NR6A1: variants seen among roughly 807,000 people sequenced by gnomAD.
The protein encoded by NR6A1 is nuclear receptor subfamily 6 group A member 1.
In NR6A1, 7 loss-of-function variants were observed where a neutral mutation model predicts 59.1. That is an observed-to-expected ratio of 0.12 (90% CI 0.07 to 0.22). The LOEUF (loss-of-function observed/expected upper bound fraction) is 0.22. Among genes scored for constraint, NR6A1 ranks in the 10% least tolerant of loss-of-function variants. The probability of loss-of-function intolerance (pLI) is 1.00; values close to 1 mark genes in which losing one functional copy is unlikely to be tolerated. For synonymous variants in NR6A1, 243 were observed against 236.1 expected (o/e 1.03, Z -0.27); for missense variants, 468 against 611.6 (o/e 0.77, Z 2.48).
intron 2 of NR6A1, among the ~76,000 whole-genome samples, chr9:124,627,513 A>C (rs753801124): frequency 2.2e-4 from 33 of 152,342 alleles, no homozygotes; most frequent in Non-Finnish European, 3.8e-4. Context: ...AAAGTAAGCA[A>C]CTTGATTCTA....
intron 2 of NR6A1, among the ~76,000 whole-genome samples, chr9:124,588,453 G>A (rs1385634783): frequency 2.6e-5 from 4 of 151,502 alleles, no homozygotes; most frequent in Admixed American, 6.6e-5. Flanking sequence ...GACTACAGGC[G>A]CCCGCCACCA....
chr9:124,545,701 C>T (rs561236919), intron 3 of NR6A1, among the ~76,000 whole-genome samples: 15 of 152,230 alleles, frequency 9.9e-5, no homozygotes, highest in African/African-American at 2.9e-4. Context: ...ATTAATAGTT[C>T]GGCTGTTACC....
intron 8 of NR6A1, among the ~76,000 whole-genome samples, chr9:124,525,645 C>T (rs972584712): frequency 2.0e-5 from 3 of 151,998 alleles, no homozygotes; most frequent in Non-Finnish European, 4.4e-5. Context: ...GCATGAGCCA[C>T]TGTGCCTGGC....
intron 1 of NR6A1, among the ~76,000 whole-genome samples, chr9:124,739,213 C>T (rs946691788): frequency 9.9e-5 from 15 of 150,978 alleles, no homozygotes; most frequent in African/African-American, 3.2e-4. Context: ...ATGGGGGCGG[C>T]GAGGGTATGG....
chr9:124,629,502 C>G (rs1465558654), intron 2 of NR6A1, among the ~76,000 whole-genome samples: 2 of 152,186 alleles, frequency 1.3e-5, no homozygotes, highest in African/African-American at 4.8e-5. Context: ...TCCATTTTAC[C>G]AGTGAAGAAA....
chr9:124,700,067 C>T (rs1033417158), intron 2 of NR6A1, among the ~76,000 whole-genome samples: 2 of 152,108 alleles, frequency 1.3e-5, no homozygotes, highest in Non-Finnish European at 2.9e-5. Context: ...CCTGGCTGGT[C>T]TCAAACTCCT....
intron 2 of NR6A1, among the ~76,000 whole-genome samples, chr9:124,660,468 T>C (rs565554259): frequency 7.9e-5 from 12 of 152,082 alleles, no homozygotes; most frequent in Non-Finnish European, 1.3e-4. Flanking sequence ...CTACCTGGAT[T>C]TGAATAGAAA....
chr9:124,740,261 A>C (rs1012675001), intron 1 of NR6A1, among the ~76,000 whole-genome samples: 1 of 152,212 alleles, frequency 6.6e-6, no homozygotes, highest in African/African-American at 2.4e-5. Flanking sequence ...CCTTTCCTGC[A>C]AACACTCAAG....
chr9:124,657,736 T>C (rs1484667311), intron 2 of NR6A1, among the ~76,000 whole-genome samples: 3 of 151,376 alleles, frequency 2.0e-5, no homozygotes, highest in Non-Finnish European at 2.9e-5. Flanking sequence ...CATGCTTTCA[T>C]AGCTTCCCCC....
intron 2 of NR6A1, among the ~76,000 whole-genome samples, chr9:124,715,354 C>A (rs1839386683): frequency 6.6e-6 from 1 of 151,852 alleles, no homozygotes; most frequent in African/African-American, 2.4e-5. Flanking sequence ...GAGACCCCGT[C>A]TCTACAAAAA....
rs566313231 is a variant in NR6A1 at position 124,529,728 on chromosome 9, C to G, written c.1080-2828G>C. On this transcript the variant is annotated intron_variant, in intron 7 of 9. Transcript: ENST00000487099. ...GCAGGGCCCAACCTTGGGAGGATGT[C>G]AGGTCTGCTACAGTGCACAGAACTG... 1.1e-3 allele frequency among the ~76,000 whole-genome samples: 174 copies of G among 152,298 alleles called. 1 individual carries two copies. Among genetic ancestry groups the G allele is most frequent in the African/African-American group, 3.8e-3 (158 of 41,560 alleles).
In NR6A1 at chr9:124,771,166, C is replaced by T. The variant is rs1416637067; in HGVS notation, c.-47G>A. 3.0e-5 allele frequency: 32 copies of T among 1,083,216 alleles called. No individual in the cohort carries two copies. The highest frequency in any genetic ancestry group is 3.8e-5 in the Non-Finnish European group (32 of 852,120). 67.1% of individuals were successfully genotyped at this position (1,083,216 alleles called of 1,614,324 possible). On this transcript the variant is annotated 5_prime_UTR_variant, in exon 1 of 10. Coordinates refer to ENST00000487099, the MANE Select transcript of NR6A1 (RefSeq NM_033334.4). ...GCCGGGTTTGTTGCTCCGCCATGAC[C>T]GGCGCCCTAGTCGCCGTGGTCGTCG...
rs370013017 is a variant in NR6A1, at chr9:124,737,816, G to T, written c.101-4467C>A. ...AGAGGCAGAGGTTGTAGTGAGCCGA[G>T]ATTATGCCACTGCACTCCAGCCTGG... On this transcript the variant is annotated intron_variant, in intron 1 of 9. Transcript: ENST00000487099. Among the ~76,000 whole-genome samples, 6 of 152,076 alleles carry T rather than the reference G, an allele frequency of 3.9e-5. No homozygotes were observed. The East Asian group carries it at 1.2e-3, about 29-fold the overall frequency.
At chr9:124,734,095 T>C (rs1328604794) in intron 1 of NR6A1, among the ~76,000 whole-genome samples, 2 of 152,224 alleles carry the variant, frequency 1.3e-5, no homozygotes, top group African/African-American at 2.4e-5. Flanking sequence ...CTTTCTTCTG[T>C]TTGCTTTCTA....
chr9:124,733,407 C>T, intron 1 of NR6A1, 58 bp from the exon 2 acceptor site: 2 of 1,291,162 alleles, frequency 1.5e-6, no homozygotes, highest in Non-Finnish European at 2.3e-6. Flanking sequence ...CAAGCTGACT[C>T]CAAATATGAA....
At chr9:124,672,171 T>C (rs955837842) in intron 2 of NR6A1, among the ~76,000 whole-genome samples, 8 of 152,222 alleles carry the variant, frequency 5.3e-5, no homozygotes, top group African/African-American at 1.9e-4. Flanking sequence ...TTCCGTTATA[T>C]GTATTCTCCC....
Position 124,535,943 on chromosome 9 carries a change from C to T in NR6A1, c.1014G>A (p.Lys338=). The T allele has an allele frequency of 1.2e-5, 20 of 1,614,248 alleles. No individual in the cohort carries two copies. The highest frequency in any genetic ancestry group is 1.7e-5 in the Non-Finnish European group (20 of 1,180,056). ...CATCAGCCAGTTCCCCAAAGATCTG[C>T]TTGCTGTAAACGGTGAGGGAAGACA... The part of the protein sequence containing the change: ...ILLSSLTVYS[K]QIFGELADVT... The change falls in exon 7 of 10, where the codon AAG becomes AAA. Residue 338 remains lysine (K), a synonymous_variant. Coordinates refer to ENST00000487099, the MANE Select transcript of NR6A1 (RefSeq NM_033334.4).
intron 2 of NR6A1, among the ~76,000 whole-genome samples, chr9:124,610,020 G>T (rs954086564): frequency 4.6e-5 from 7 of 152,086 alleles, no homozygotes; most frequent in African/African-American, 9.7e-5. Flanking sequence ...GAAATGATGG[G>T]TTTTTTATAG....
intron 2 of NR6A1, among the ~76,000 whole-genome samples, chr9:124,611,684 G>C (rs893183683): frequency 5.3e-5 from 8 of 150,998 alleles, no homozygotes; most frequent in African/African-American, 2.0e-4. Flanking sequence ...AGGAGGTCGA[G>C]GCTCCAGTGA....
Sources: allele counts gnomAD v4.1 joint callset (sites outside exome capture counted in the v4.1 genomes callset), GRCh38; gene constraint gnomAD v4.1.1; transcripts MANE v1.5; gene names NCBI Gene and HGNC (gene_info 2026-07-23, HGNC 2026-07-21).